Variants in AMZ2 observed in about 807,000 individuals in gnomAD.
AMZ2 encodes archaelysin family metallopeptidase 2.
In AMZ2, 26 loss-of-function variants were observed where a neutral mutation model predicts 36.7. That is an observed-to-expected ratio of 0.71 (90% CI 0.52 to 0.98). AMZ2 has a LOEUF of 0.98. Ranked by LOEUF, AMZ2 falls within the 50% of genes least tolerant of loss-of-function variation. The pLI, the probability that AMZ2 is intolerant of heterozygous loss-of-function variation, is 0.00. For missense variants in AMZ2, 394 were observed against 430.5 expected (o/e 0.92, Z 0.75); for synonymous variants, 144 against 149.1 (o/e 0.97, Z 0.25).
At chr17:68,209,196 A>G (rs1240764973) in intron 1 of AMZ2, among the ~76,000 whole-genome samples, 1 of 126,666 alleles carries the variant, frequency 7.9e-6, no homozygotes, top group African/African-American at 3.3e-5. Flanking sequence ...TAATTTTAGT[A>G]CTTTTTTTTT....
intron 1 of AMZ2, among the ~76,000 whole-genome samples, chr17:68,238,088 A>G (rs782093508): frequency 6.6e-6 from 1 of 152,216 alleles, no homozygotes; most frequent in Non-Finnish European, 1.5e-5. Context: ...ACCGAGCTAC[A>G]GTGCAGGAGA....
At chr17:68,247,523 G>A (rs2074080592), upstream of AMZ2, 1 of 661,396 alleles carries the variant, frequency 1.5e-6, no homozygotes, top group Non-Finnish European at 1.9e-6. Flanking sequence ...GACGCCACGA[G>A]GACGCGCCCC....
At position 68,248,159 on chromosome 17, in the gene AMZ2, C is replaced by T. The variant is rs1438499331; in HGVS notation, c.-547C>T. 3.5e-5 allele frequency: 35 copies of T among 986,296 alleles called. No homozygotes were observed. The highest frequency in any genetic ancestry group is 1.0e-4 in the African/African-American group (6 of 57,246). 61.1% of individuals were successfully genotyped at this position (986,296 alleles called of 1,614,324 possible). ...TCAGAGCTGGGCCGGGGCCCCTAGG[C>T]AGGGTAGCCGGGTCGTAGAGGCGGG... On this transcript the variant is annotated 5_prime_UTR_variant, in exon 1 of 7. Transcript: ENST00000359904.
At position 68,257,069 on chromosome 17, in the gene AMZ2, G is replaced by C. The variant is rs1471590137; in HGVS notation, c.*100G>C. 7.7e-6 allele frequency: 10 copies of C among 1,294,400 alleles called. No homozygotes were observed. The highest frequency in any genetic ancestry group is 1.1e-5 in the Non-Finnish European group (10 of 942,340). 80.2% of individuals were successfully genotyped at this position (1,294,400 alleles called of 1,614,324 possible). ...TGGAATAAACTACTGATCTTGTGCT[G>C]TGTCAAAGTAACAGACTAGAACCTT... On this transcript the variant is annotated 3_prime_UTR_variant, in exon 7 of 7. Coordinates refer to ENST00000359904, the MANE Select transcript of AMZ2 (RefSeq NM_016627.5).
chr17:68,223,981 C>T (rs1555729227), intron 1 of AMZ2, among the ~76,000 whole-genome samples: 2 of 151,702 alleles, frequency 1.3e-5, no homozygotes, highest in South Asian at 2.1e-4. Context: ...GCTCTGCCTC[C>T]CGGGTTCACG....
At chr17:68,240,027 A>C (rs1441917687) in intron 1 of AMZ2, among the ~76,000 whole-genome samples, 1 of 152,228 alleles carries the variant, frequency 6.6e-6, no homozygotes, top group East Asian at 1.9e-4. Context: ...AAAATATGAT[A>C]AACTGGATGG....
intron 1 of AMZ2, chr17:68,249,009 A>G: frequency 9.3e-7 from 1 of 1,079,628 alleles, no homozygotes; most frequent in South Asian, 4.6e-5. Flanking sequence ...TAATTCAAAA[A>G]GCCTCGTGGT....
chr17:68,226,680 A>T (rs2073524862), intron 1 of AMZ2, among the ~76,000 whole-genome samples: 1 of 152,148 alleles, frequency 6.6e-6, no homozygotes. Flanking sequence ...ATGTGTTTGG[A>T]AAATACATTT....
intron 1 of AMZ2, among the ~76,000 whole-genome samples, chr17:68,216,680 T>C (rs144167005): frequency 2.6e-5 from 4 of 152,226 alleles, no homozygotes; most frequent in Non-Finnish European, 4.4e-5. Flanking sequence ...AACCAATGCT[T>C]ATAACTCGAG....
At chr17:68,209,033 A>C (rs1284916982) in intron 1 of AMZ2, among the ~76,000 whole-genome samples, 2 of 152,206 alleles carry the variant, frequency 1.3e-5, no homozygotes, top group Admixed American at 6.5e-5. Context: ...GGACACTAAC[A>C]TAAACTGGAA....
chr17:68,227,170 C>T (rs1444236733), intron 1 of AMZ2, among the ~76,000 whole-genome samples: 1 of 152,190 alleles, frequency 6.6e-6, no homozygotes, highest in Non-Finnish European at 1.5e-5. Flanking sequence ...TGGTGTCACA[C>T]CCATCTCAGC....
Position 68,209,623 on chromosome 17 carries a change from TATA to T in AMZ2, c.-67+3386_-67+3388del, listed in dbSNP as rs1568337570. On this transcript the variant is annotated intron_variant, in intron 1 of 7. Transcript: ENST00000674770. ...GTGTGTGTATATGTATATATATATA[TATA>T]TATATATTTTTTTTTTTTTTTATAC... is the stretch of plus-strand genomic sequence containing the variant. Among the ~76,000 whole-genome samples the T allele has an allele frequency of 8.0e-4, 88 of 109,930 alleles. 2 individuals are homozygous for T. The highest frequency in any genetic ancestry group is 1.4e-3 in the Non-Finnish European group (78 of 54,760). 72.1% of individuals were successfully genotyped at this position (109,930 alleles called of 152,430 possible).
chr17:68,217,581 A>G (rs1249653848), intron 1 of AMZ2, among the ~76,000 whole-genome samples: 16 of 152,334 alleles, frequency 1.1e-4, no homozygotes, highest in African/African-American at 3.6e-4. Context: ...TTTTATGAAA[A>G]TGAGATTAAA....
intron 1 of AMZ2, among the ~76,000 whole-genome samples, chr17:68,214,632 G>A (rs779138076): frequency 9.2e-5 from 14 of 152,074 alleles, no homozygotes; most frequent in African/African-American, 2.4e-4. Context: ...TTATCATTGC[G>A]TTTTGAGGAT....
upstream of AMZ2, among the ~76,000 whole-genome samples, chr17:68,245,838 G>A (rs1448770482): frequency 6.6e-6 from 1 of 152,102 alleles, no homozygotes; most frequent in Non-Finnish European, 1.5e-5. Context: ...GTATTATTAT[G>A]TACACACAAG....
In AMZ2 at chr17:68,256,986, G is replaced by A. The variant is rs1338965277; in HGVS notation, c.*17G>A. 1 of 1,608,894 alleles carries A rather than the reference G, an allele frequency of 6.2e-7. No homozygotes were observed. Among genetic ancestry groups the A allele is most frequent in the Admixed American group, 1.7e-5 (1 of 58,984 alleles). On this transcript the variant is annotated 3_prime_UTR_variant, in exon 7 of 7. Transcript: ENST00000359904. ...CAAAAATGAGGACCTTCAAATAGGA[G>A]TGATTGAAATAAATAACTACTTGCA...
At chr17:68,255,933 C>T (rs2144783815) in intron 6 of AMZ2, 57 bp downstream of exon 6, 5 of 1,550,462 alleles carry the variant, frequency 3.2e-6, no homozygotes, top group Non-Finnish European at 3.5e-6. Context: ...AGTAGCAAAC[C>T]CATGTTTCTA....
At chr17:68,234,452 T>C (rs2073739771) in intron 1 of AMZ2, among the ~76,000 whole-genome samples, 1 of 151,514 alleles carries the variant, frequency 6.6e-6, no homozygotes, top group African/African-American at 2.4e-5. Flanking sequence ...ATCACTGCAT[T>C]ATTTTAATAA....
At chr17:68,234,429 CAAA>C (rs879946228) in intron 1 of AMZ2, among the ~76,000 whole-genome samples, 1 of 134,612 alleles carries the variant, frequency 7.4e-6, no homozygotes, top group Non-Finnish European at 1.6e-5. Context: ...GACCTTGTCT[CAAA>C]AAAAAAAAAA....
Sources: gnomAD v4.1 joint callset for allele counts (sites outside exome capture counted in the v4.1 genomes callset) on GRCh38, gnomAD v4.1.1 for gene constraint, MANE v1.5 for transcripts, NCBI Gene and HGNC (gene_info 2026-07-23, HGNC 2026-07-21) for gene names.